LRRIQ4: variants seen among roughly 807,000 people sequenced by gnomAD.
LRRIQ4 encodes the protein leucine rich repeats and IQ motif containing 4.
A neutral mutation model predicts 40.1 loss-of-function variants in LRRIQ4; 21 were observed. The observed-to-expected ratio is 0.52, with a 90% CI of 0.37 to 0.75. LRRIQ4 has a LOEUF of 0.75. Among genes scored for constraint, LRRIQ4 ranks in the 30% least tolerant of loss-of-function variants. The pLI is 0.00. For missense variants in LRRIQ4, 655 were observed against 660.0 expected (o/e 0.99, Z 0.08); for synonymous variants, 277 against 277.1 (o/e 1.00, Z 0.00).
In LRRIQ4 at chr3:169,828,744, T is replaced by C; in HGVS notation, c.1021-15T>C. 1.9e-6 allele frequency: 3 copies of C among 1,600,708 alleles called. No homozygotes were observed. Among genetic ancestry groups the C allele is most frequent in the Non-Finnish European group, 2.5e-6 (3 of 1,176,512 alleles). On this transcript the variant is annotated splice_polypyrimidine_tract_variant and intron_variant, in intron 2 of 5. Coordinates refer to ENST00000340806, the MANE Select transcript of LRRIQ4 (RefSeq NM_001080460.3). Reference sequence around the variant, plus strand: ...TAATCTTGACCTGAAACTTATCTTTTTGGAATACTTCTAGTTACCTTCAGA... The same window carrying C: ...TAATCTTGACCTGAAACTTATCTTTCTGGAATACTTCTAGTTACCTTCAGA...
chr3:169,827,884 G>A (rs1780076914), intron 2 of LRRIQ4, among the ~76,000 whole-genome samples: 1 of 152,180 alleles, frequency 6.6e-6, no homozygotes, highest in African/African-American at 2.4e-5. Context: ...TGAAAGTGTG[G>A]CACTCTGTGA....
chr3:169,835,002 G>T (rs9828202), intron 5 of LRRIQ4, among the ~76,000 whole-genome samples: 2,349 of 152,074 alleles, frequency 0.015, 67 homozygotes, highest in African/African-American at 0.054. Context: ...ATATATTCAT[G>T]CATAAATATT....
At chr3:169,817,858 G>T (rs934663278) in intron 1 of LRRIQ4, among the ~76,000 whole-genome samples, 1 of 152,074 alleles carries the variant, frequency 6.6e-6, no homozygotes, top group Non-Finnish European at 1.5e-5. Flanking sequence ...GCCACAGATC[G>T]ATCATTGGGT....
At position 169,822,080 on chromosome 3, in the gene LRRIQ4, G is replaced by C; in HGVS notation, c.159G>C (p.Val53=). Residue 53 remains valine, a synonymous_variant, in exon 2 of 6, where the codon GTG becomes GTC. Transcript: ENST00000340806. ...TCACATTCACAGAATTAGAAGAAGT[G>C]CATTTGGAGAATAACCAGATTGAAG... ...EIFTFTELEE[V]HLENNQIEEI... 6.2e-7 allele frequency: 1 copy of C among 1,609,096 alleles called. No homozygotes were observed. The highest frequency in any genetic ancestry group is 8.5e-7 in the Non-Finnish European group (1 of 1,178,694).
chr3:169,833,273 A>G (rs1270890258), intron 5 of LRRIQ4, 90 bp downstream of exon 5: 11 of 1,082,172 alleles, frequency 1.0e-5, no homozygotes, highest in Non-Finnish European at 1.5e-5. Context: ...GCAACTCCTT[A>G]CACCCTTGTC....
chr3:169,830,377 G>GAAAAAAAAAAAAAAAAAAAAAA lies in LRRIQ4; in HGVS notation c.1195-104_1195-83dup, dbSNP rs56795981. The GAAAAAAAAAAAAAAAAAAAAAA allele has an allele frequency of 2.0e-4, 21 of 106,680 alleles. 8 individuals carry two copies. Among genetic ancestry groups the GAAAAAAAAAAAAAAAAAAAAAA allele is most frequent in the East Asian group, 1.6e-3 (4 of 2,496 alleles). The allele number at this position is 106,680 out of a possible 1,614,324, so 6.6% of individuals were successfully genotyped here. ...AATGCGTAATTTCCCCACTGAAAGT[G>GAAAAAAAAAAAAAAAAAAAAAA]AAAAAAAAAAAAAAAAAAAAAAAAA... is the stretch of plus-strand genomic sequence containing the variant. On this transcript the variant is annotated intron_variant, in intron 3 of 5. Coordinates refer to ENST00000340806, the MANE Select transcript of LRRIQ4 (RefSeq NM_001080460.3).
chr3:169,814,125 C>G (rs764958621), intron 1 of LRRIQ4, among the ~76,000 whole-genome samples: 1 of 152,080 alleles, frequency 6.6e-6, no homozygotes. Flanking sequence ...CTTGGTGTAC[C>G]GGAAAAATCG....
intron 2 of LRRIQ4, among the ~76,000 whole-genome samples, chr3:169,826,392 CAAA>C (rs1322798985): frequency 1.0e-5 from 1 of 96,622 alleles, no homozygotes. Context: ...AACTCCGCCT[CAAA>C]AAAAAAAAAA....
chr3:169,836,269 G>A (rs1780299800), intron 5 of LRRIQ4, among the ~76,000 whole-genome samples: 1 of 151,870 alleles, frequency 6.6e-6, no homozygotes, highest in Non-Finnish European at 1.5e-5. Context: ...AAATAAGATT[G>A]TCAGAGTAGG....
chr3:169,825,306 G>T (rs1780018566), intron 2 of LRRIQ4, among the ~76,000 whole-genome samples: 1 of 152,126 alleles, frequency 6.6e-6, no homozygotes, highest in Admixed American at 6.5e-5. Context: ...GTGCCCGGCT[G>T]CTAAAAAAAT....
chr3:169,817,473 A>G (rs1212563013), intron 1 of LRRIQ4, among the ~76,000 whole-genome samples: 2 of 152,208 alleles, frequency 1.3e-5, no homozygotes, highest in African/African-American at 4.8e-5. Context: ...ATTAAGTCCA[A>G]TGCTGCTTTG....
chr3:169,823,021 C>A (rs1181142344), intron 2 of LRRIQ4, 80 bp downstream of exon 2: 6 of 1,204,398 alleles, frequency 5.0e-6, no homozygotes, highest in Non-Finnish European at 5.6e-6. Context: ...ATCTAAACAG[C>A]AAATTTGAAC....
rs1359247834 is a variant in LRRIQ4 at position 169,813,025 on chromosome 3, G to C, written c.-53G>C. 1 of 156,342 alleles carries C rather than the reference G, an allele frequency of 6.4e-6. No individual in the cohort carries two copies. The highest frequency in any genetic ancestry group is 1.4e-5 in the Non-Finnish European group (1 of 70,886). 9.7% of individuals were successfully genotyped at this position (156,342 alleles called of 1,614,324 possible). Reference sequence around the variant, plus strand: ...GAGGCTGCCAGAGGACAGAATGCTTGGTGCGTTCTGGGCATGCGCAGGTAC... The same window carrying C: ...GAGGCTGCCAGAGGACAGAATGCTTCGTGCGTTCTGGGCATGCGCAGGTAC... On this transcript the variant is annotated 5_prime_UTR_variant, in exon 1 of 6. Coordinates refer to ENST00000340806, the MANE Select transcript of LRRIQ4 (RefSeq NM_001080460.3).
At position 169,822,684 on chromosome 3, in the gene LRRIQ4, G is replaced by C; in HGVS notation, c.763G>C (p.Glu255Gln). The C allele has an allele frequency of 6.2e-7, 1 of 1,613,950 alleles. No individual in the cohort carries two copies. The highest frequency in any genetic ancestry group is 8.5e-7 in the Non-Finnish European group (1 of 1,179,894). Residue 255 changes from glutamate to glutamine, a missense_variant, in exon 2 of 6, where the codon GAG becomes CAG. Transcript: ENST00000340806. ...CCACTCCATCCCGAAGAGCTTCGCC[G>C]AGCTCAGGAAGATGACGGAAATCGG... ...LLHSIPKSFA[E>Q]LRKMTEIGLS...
intron 5 of LRRIQ4, among the ~76,000 whole-genome samples, chr3:169,834,753 T>C (rs1200052826): frequency 6.6e-6 from 1 of 152,162 alleles, no homozygotes; most frequent in Non-Finnish European, 1.5e-5. Context: ...TCAAAATTGA[T>C]CCTAAGGTTT....
chr3:169,832,913 G>A, intron 4 of LRRIQ4, 74 bp from the exon 5 acceptor site: 1 of 1,317,646 alleles, frequency 7.6e-7, no homozygotes, highest in East Asian at 2.3e-5. Context: ...CCTCACCTAT[G>A]TGGACAGGAT....
chr3:169,815,241 A>G (rs555028682), intron 1 of LRRIQ4, among the ~76,000 whole-genome samples: 26 of 152,346 alleles, frequency 1.7e-4, no homozygotes, highest in African/African-American at 5.8e-4. Context: ...GGACATTTTA[A>G]CAATAATTAT....
intron 1 of LRRIQ4, among the ~76,000 whole-genome samples, chr3:169,814,512 G>A (rs1353857606): frequency 6.7e-6 from 1 of 149,116 alleles, no homozygotes; most frequent in Admixed American, 6.6e-5. Context: ...TTGAGACAGA[G>A]TCTCGCTCTG....
intron 1 of LRRIQ4, among the ~76,000 whole-genome samples, 155 bp downstream of exon 1, chr3:169,813,201 GC>G (rs1779670675): frequency 6.6e-6 from 1 of 152,244 alleles, no homozygotes; most frequent in South Asian, 2.1e-4. Context: ...AGGGAGGAAG[GC>G]TTTAATCTGG....
Sources: allele counts gnomAD v4.1 joint callset (sites outside exome capture counted in the v4.1 genomes callset), GRCh38; gene constraint gnomAD v4.1.1; transcripts MANE v1.5; gene names NCBI Gene and HGNC (gene_info 2026-07-23, HGNC 2026-07-21).